ENTREP2: variants seen among roughly 807,000 people sequenced by gnomAD.
The protein encoded by ENTREP2 is protein ENTREP2.
At chr15:29,464,865 C>T in the ENTREP2 span, among the ~76,000 whole-genome samples, 2 of 152,156 alleles carry the variant, frequency 1.3e-5, no homozygotes, top group South Asian at 4.1e-4. Context: ...CGGGCCTGTA[C>T]CCTCAGAGAC....
At chr15:29,553,425 C>T in the ENTREP2 span, among the ~76,000 whole-genome samples, 1 of 152,274 alleles carries the variant, frequency 6.6e-6, no homozygotes, top group South Asian at 2.1e-4. Flanking sequence ...CAAAATGATA[C>T]TAATAGTAAT....
At chr15:29,607,954 C>T in the ENTREP2 span, among the ~76,000 whole-genome samples, 5 of 152,188 alleles carry the variant, frequency 3.3e-5, no homozygotes, top group South Asian at 2.1e-4. Context: ...ACAAGGAGAG[C>T]CGGTCCGAGT....
chr15:29,657,400 G>A, the ENTREP2 span, among the ~76,000 whole-genome samples: 3 of 139,364 alleles, frequency 2.2e-5, no homozygotes, highest in East Asian at 2.3e-4. Flanking sequence ...AAAGTGAGCA[G>A]TAGCAGCTAT....
At chr15:29,486,548 T>G in the ENTREP2 span, among the ~76,000 whole-genome samples, 1 of 152,026 alleles carries the variant, frequency 6.6e-6, no homozygotes, top group East Asian at 1.9e-4. Flanking sequence ...AAAATTAGCC[T>G]GGCGTGGTGG....
the ENTREP2 span, among the ~76,000 whole-genome samples, chr15:29,133,811 C>T: frequency 3.9e-5 from 6 of 152,218 alleles, no homozygotes; most frequent in Admixed American, 2.0e-4. Context: ...CAGCTCCTGT[C>T]ATCTGGTGGA....
chr15:29,358,068 C>T, the ENTREP2 span, among the ~76,000 whole-genome samples: 2 of 152,106 alleles, frequency 1.3e-5, no homozygotes, highest in Non-Finnish European at 2.9e-5. Context: ...CCAGCAATTT[C>T]ATGTCCAAGT....
the ENTREP2 span, among the ~76,000 whole-genome samples, chr15:29,346,129 C>T: frequency 3.9e-5 from 6 of 152,148 alleles, no homozygotes; most frequent in African/African-American, 7.2e-5. Context: ...CGCTGCACAA[C>T]GACGCCAAGA....
chr15:29,507,082 C>CA, the ENTREP2 span, among the ~76,000 whole-genome samples: 3,009 of 148,634 alleles, frequency 0.02, 37 homozygotes, highest in Non-Finnish European at 0.029. Flanking sequence ...AAATGGAAAG[C>CA]AAAAAAAAAG....
At chr15:29,402,265 T>TATATATATATATATATACACAC in the ENTREP2 span, among the ~76,000 whole-genome samples, 3 of 137,786 alleles carry the variant, frequency 2.2e-5, no homozygotes, top group Non-Finnish European at 4.8e-5. Context: ...TATATATATA[T>TATATATATATATATATACACAC]ACACACACAT....
At chr15:29,466,587 G>T in the ENTREP2 span, among the ~76,000 whole-genome samples, 43 of 145,476 alleles carry the variant, frequency 3.0e-4, no homozygotes, top group East Asian at 7.1e-3. Context: ...GAGAGCCCAG[G>T]GGAGGATGCT....
At chr15:29,655,352 C>A in the ENTREP2 span, among the ~76,000 whole-genome samples, 1 of 152,152 alleles carries the variant, frequency 6.6e-6, no homozygotes, top group Non-Finnish European at 1.5e-5. Context: ...CAACAGAACC[C>A]AAGCCCAACT....
the ENTREP2 span, among the ~76,000 whole-genome samples, chr15:29,443,691 T>C: frequency 6.6e-6 from 1 of 151,838 alleles, no homozygotes; most frequent in African/African-American, 2.4e-5. Context: ...TGGGCTTTTC[T>C]CCAAAGAGGG....
At chr15:29,529,295 CA>C in the ENTREP2 span, among the ~76,000 whole-genome samples, 2 of 131,918 alleles carry the variant, frequency 1.5e-5, no homozygotes, top group Non-Finnish European at 3.3e-5. Flanking sequence ...AGTAAAGGCA[CA>C]GGAAGGCTAC....
the ENTREP2 span, among the ~76,000 whole-genome samples, chr15:29,465,758 C>A: frequency 1.2e-4 from 18 of 152,102 alleles, no homozygotes; most frequent in Non-Finnish European, 2.4e-4. Context: ...TTTTATAATT[C>A]TTTAAAAGGA....
At chr15:29,650,810 A>G in the ENTREP2 span, among the ~76,000 whole-genome samples, 1 of 152,152 alleles carries the variant, frequency 6.6e-6, no homozygotes, top group Non-Finnish European at 1.5e-5. Flanking sequence ...GGAGTTCAAG[A>G]GCAGCCTGAG....
chr15:29,655,247 C>G, the ENTREP2 span, among the ~76,000 whole-genome samples: 1 of 152,106 alleles, frequency 6.6e-6, no homozygotes, highest in African/African-American at 2.4e-5. Context: ...GAGAGTGTAA[C>G]AAGAAAAACT....
chr15:29,240,013 A>G, the ENTREP2 span, among the ~76,000 whole-genome samples: 1 of 152,176 alleles, frequency 6.6e-6, no homozygotes, highest in Non-Finnish European at 1.5e-5. Flanking sequence ...ATAATTCTAG[A>G]GTAAAAGTCC....
the ENTREP2 span, among the ~76,000 whole-genome samples, chr15:29,652,652 G>GCCAGCCAAAGC: frequency 1.3e-5 from 2 of 152,216 alleles, no homozygotes; most frequent in Admixed American, 1.3e-4. Context: ...TCCCCCCAGG[G>GCCAGCCAAAGC]CCAGCCAAAG....
chr15:29,281,377 G>A, the ENTREP2 span, among the ~76,000 whole-genome samples: 76 of 152,292 alleles, frequency 5.0e-4, no homozygotes, highest in Admixed American at 1.0e-3. Context: ...ACATGTGACC[G>A]AGCTCTGGCC....
Sources: gnomAD v4.1 joint callset for allele counts (sites outside exome capture counted in the v4.1 genomes callset) on GRCh38, gnomAD v4.1.1 for gene constraint, MANE v1.5 for transcripts, NCBI Gene and HGNC (gene_info 2026-07-23, HGNC 2026-07-21) for gene names.